Variants in NRIP3 observed in about 807,000 individuals in gnomAD.
The protein encoded by NRIP3 is nuclear receptor-interacting protein 3.
In NRIP3, 31 loss-of-function variants were observed where a neutral mutation model predicts 29.0. The observed-to-expected ratio is 1.07, with a 90% CI of 0.80 to 1.44. The LOEUF is 1.44. Among genes scored for constraint, NRIP3 ranks in the 40% most tolerant of loss-of-function variants. The probability of loss-of-function intolerance (pLI) is 0.00; values close to 1 mark genes in which losing one functional copy is unlikely to be tolerated. For missense variants in NRIP3, 314 were observed against 297.9 expected, an observed-to-expected ratio of 1.05 and a Z score of -0.40; for synonymous variants, 131 against 118.3, an observed-to-expected ratio of 1.11 and a Z score of -0.70.
intron 1 of NRIP3, among the ~76,000 whole-genome samples, chr11:9,000,041 A>AT (rs1854768682): frequency 6.6e-6 from 1 of 152,216 alleles, no homozygotes; most frequent in Admixed American, 6.5e-5. Context: ...GTTCACTATT[A>AT]TATCTCCAAA....
chr11:8,994,778 A>G (rs530732195), intron 1 of NRIP3, among the ~76,000 whole-genome samples: 2 of 152,202 alleles, frequency 1.3e-5, no homozygotes, highest in African/African-American at 4.8e-5. Context: ...TCCTTTGCCT[A>G]TGTTCATTTC....
chr11:9,004,045 G>A, upstream of NRIP3: 1 of 1,119,808 alleles, frequency 8.9e-7, no homozygotes, highest in Non-Finnish European at 1.2e-6. Flanking sequence ...CGAGCGTGAC[G>A]TCGCGGGGAG....
In NRIP3 at chr11:8,982,116, G is replaced by T. The variant is rs761694698; in HGVS notation, c.*1429C>A. On this transcript the variant is annotated 3_prime_UTR_variant, in exon 7 of 7. Coordinates refer to ENST00000309166, the MANE Select transcript of NRIP3 (RefSeq NM_020645.3). ...GATACCCACAGCTAGCTATTTTTCT[G>T]ACTTGTCCAAGCACTTCTATGACCA... 2.0e-5 allele frequency: 3 copies of T among 152,158 alleles called. No homozygotes were observed. Among genetic ancestry groups the T allele is most frequent in the Non-Finnish European group, 4.4e-5 (3 of 68,052 alleles). The allele number at this position is 152,158 out of a possible 1,614,324, so 9.4% of individuals were successfully genotyped here.
intron 1 of NRIP3, among the ~76,000 whole-genome samples, chr11:8,993,155 AC>A (rs910166273): frequency 2.6e-5 from 4 of 152,224 alleles, no homozygotes; most frequent in African/African-American, 9.6e-5. Flanking sequence ...CAGGTTGCCT[AC>A]AGGCCTTAAA....
chr11:8,983,779 G>A, intron 6 of NRIP3, 96 bp downstream of exon 6: 1 of 1,090,748 alleles, frequency 9.2e-7, no homozygotes, highest in Non-Finnish European at 1.4e-6. Context: ...GCCAAAGACA[G>A]GATACAACCC....
intron 4 of NRIP3, among the ~76,000 whole-genome samples, chr11:8,985,468 C>T (rs1854504901): frequency 7.5e-6 from 1 of 133,764 alleles, no homozygotes; most frequent in Non-Finnish European, 1.6e-5. Context: ...CGCACCCGGC[C>T]GAATTTTTTT....
intron 1 of NRIP3, among the ~76,000 whole-genome samples, chr11:8,997,355 C>CAAAAAAAAAA (rs11324721): frequency 4.1e-4 from 41 of 100,822 alleles, no homozygotes; most frequent in South Asian, 7.2e-4. Context: ...GACTCCGTCT[C>CAAAAAAAAAA]AAAAAAAAAA....
intron 1 of NRIP3, 92 bp downstream of exon 1, chr11:9,003,670 C>G (rs1426465988): frequency 3.3e-5 from 41 of 1,240,162 alleles, no homozygotes; most frequent in Non-Finnish European, 4.2e-5. Context: ...CGGGCCGGGC[C>G]GTGACTCAGT....
chr11:8,984,058 G>A lies in NRIP3; in HGVS notation c.615+14C>T, dbSNP rs1367804184. On this transcript the variant is annotated intron_variant, in intron 5 of 6. Transcript: ENST00000309166. The stretch of plus-strand genomic sequence containing the variant: ...AGAGAGGAAGTATCAAGGGGTAAGT[G>A]GAGTCAATCTTACCTTCAGAGATCG... 6.2e-7 allele frequency: 1 copy of A among 1,606,762 alleles called. No individual in the cohort carries two copies. Among genetic ancestry groups the A allele is most frequent in the East Asian group, 2.2e-5 (1 of 44,838 alleles).
intron 4 of NRIP3, among the ~76,000 whole-genome samples, chr11:8,984,736 T>C (rs1854481971): frequency 6.6e-6 from 1 of 152,196 alleles, no homozygotes; most frequent in Non-Finnish European, 1.5e-5. Flanking sequence ...GGTGGGAAAT[T>C]ATCAAGGGAT....
rs926877932 is a variant in NRIP3, at chr11:8,997,300, G to A, written c.174+6462C>T. On this transcript the variant is annotated intron_variant, in intron 1 of 6. Transcript: ENST00000309166. ...TGAGGCAGGAGAATCGCTTGAACCC[G>A]GGAGGCGGATCGCACCACTGCACTC... Among the ~76,000 whole-genome samples, 7 of 149,460 alleles carry A rather than the reference G, an allele frequency of 4.7e-5. No individual in the cohort carries two copies. The East Asian group carries it at 5.9e-4, about 13-fold the overall frequency.
intron 4 of NRIP3, 57 bp from the exon 5 acceptor site, chr11:8,984,181 T>C: frequency 8.4e-7 from 1 of 1,186,486 alleles, no homozygotes; most frequent in Non-Finnish European, 1.3e-6. Context: ...GCTTAGAAGT[T>C]GGCCTAATCA....
chr11:9,000,462 AT>A (rs964257434), intron 1 of NRIP3, among the ~76,000 whole-genome samples: 1 of 152,226 alleles, frequency 6.6e-6, no homozygotes, highest in African/African-American at 2.4e-5. Flanking sequence ...GTGTTCAACC[AT>A]CTTTCCCCCA....
intron 3 of NRIP3, 22 bp downstream of exon 3, chr11:8,987,526 C>G (rs760770919): frequency 6.4e-7 from 1 of 1,564,578 alleles, no homozygotes; most frequent in Non-Finnish European, 8.8e-7. Context: ...CTAAGTTCCA[C>G]TCAGCACAAG....
chr11:8,985,374 TTAGC>T (rs1283040401), intron 4 of NRIP3, among the ~76,000 whole-genome samples: 3 of 150,482 alleles, frequency 2.0e-5, no homozygotes, highest in Admixed American at 1.3e-4. Flanking sequence ...TTTCACCGTG[TTAGC>T]TAGGATGGTC....
intron 1 of NRIP3, among the ~76,000 whole-genome samples, chr11:8,998,146 T>C (rs1293085572): frequency 1.3e-5 from 2 of 152,222 alleles, no homozygotes; most frequent in African/African-American, 2.4e-5. Flanking sequence ...ATCTCTGACC[T>C]TGGAAATCCA....
In NRIP3 at chr11:8,988,234, TAGAC is replaced by T. The variant is rs1854547970; in HGVS notation, c.219_222del (p.Lys75SerfsTer24). The T allele has an allele frequency of 1.9e-6, 3 of 1,614,110 alleles. No individual in the cohort carries two copies. Among genetic ancestry groups the T allele is most frequent in the South Asian group, 1.1e-5 (1 of 91,066 alleles). On this transcript the variant is annotated frameshift_variant, in exon 2 of 7. Coordinates refer to ENST00000309166, the MANE Select transcript of NRIP3 (RefSeq NM_020645.3). LOFTEE classifies it high-confidence loss of function. ...GGGACACGGGGACCGCTTCGGAGCT[TAGAC>T]AGGTTGGTTTCCATGAGGCGCCTCT...
intron 1 of NRIP3, among the ~76,000 whole-genome samples, chr11:8,991,160 G>A (rs1464739857): frequency 6.6e-6 from 1 of 152,090 alleles, no homozygotes; most frequent in African/African-American, 2.4e-5. Context: ...AATTAGCCAG[G>A]TGTGGTGGTG....
rs761939514 is a variant in NRIP3, at chr11:8,987,638, G to A, written c.340-8C>T. Reference sequence around the variant, plus strand: ...CACATCCTTTCCAGCACACTGTGGGGAGGAAATGTACTGTTCAATAAGAGC... The same window carrying A: ...CACATCCTTTCCAGCACACTGTGGGAAGGAAATGTACTGTTCAATAAGAGC... On this transcript the variant is annotated splice_region_variant and splice_polypyrimidine_tract_variant and intron_variant, in intron 2 of 6. Coordinates refer to ENST00000309166, the MANE Select transcript of NRIP3 (RefSeq NM_020645.3). The A allele has an allele frequency of 1.6e-5, 25 of 1,609,102 alleles. No individual in the cohort carries two copies. Among genetic ancestry groups the A allele is most frequent in the Non-Finnish European group, 2.0e-5 (23 of 1,175,574 alleles).
Sources: gnomAD v4.1 joint callset for allele counts (sites outside exome capture counted in the v4.1 genomes callset) on GRCh38, gnomAD v4.1.1 for gene constraint, MANE v1.5 for transcripts, NCBI Gene and HGNC (gene_info 2026-07-23, HGNC 2026-07-21) for gene names.